Variants in ZEB2 observed in about 807,000 individuals in gnomAD.
The protein encoded by ZEB2 is zinc finger E-box binding homeobox 2.
A neutral mutation model predicts 99.9 loss-of-function variants in ZEB2; 6 were observed. The observed-to-expected ratio is 0.06, with a 90% CI of 0.03 to 0.12. The LOEUF (loss-of-function observed/expected upper bound fraction) is 0.12. ZEB2 is among the 10% of genes least tolerant of loss of function. The probability of loss-of-function intolerance (pLI) is 1.00; values close to 1 mark genes in which losing one functional copy is unlikely to be tolerated. For missense variants in ZEB2, 969 were observed against 1,502.8 expected, an observed-to-expected ratio of 0.64 and a Z score of 5.87; for synonymous variants, 517 against 542.5, an observed-to-expected ratio of 0.95 and a Z score of 0.65.
intron 2 of ZEB2, among the ~76,000 whole-genome samples, chr2:144,484,765 A>G (rs1704570328): frequency 1.3e-5 from 2 of 151,926 alleles, no homozygotes; most frequent in Admixed American, 1.3e-4. Context: ...TGAAGTGGGA[A>G]CCCACTTATT....
intron 2 of ZEB2, chr2:144,512,406 G>A: frequency 1.6e-6 from 2 of 1,287,158 alleles, no homozygotes; most frequent in Non-Finnish European, 2.0e-6. Flanking sequence ...CCTACCTTCA[G>A]GGTAGACATA....
At chr2:144,418,908 A>G (rs901849996) in intron 4 of ZEB2, among the ~76,000 whole-genome samples, 6 of 152,152 alleles carry the variant, frequency 3.9e-5, no homozygotes, top group African/African-American at 1.4e-4. Flanking sequence ...AAAACCTCAG[A>G]AATCACTACT....
intron 2 of ZEB2, among the ~76,000 whole-genome samples, chr2:144,435,535 G>C (rs1257316624): frequency 6.6e-6 from 1 of 151,376 alleles, no homozygotes; most frequent in African/African-American, 2.4e-5. Context: ...GGAGGTCGAG[G>C]CTGTAGTGAG....
chr2:144,411,090 T>C (rs1402393698), intron 4 of ZEB2, among the ~76,000 whole-genome samples: 3 of 113,172 alleles, frequency 2.7e-5, no homozygotes, highest in Non-Finnish European at 5.7e-5. Flanking sequence ...TATATATATA[T>C]ATATATATAT....
Position 144,385,111 on chromosome 2 carries a change from T to A in ZEB2, c.*4340A>T, listed in dbSNP as rs1703064010. The A allele has an allele frequency of 6.6e-6, 1 of 152,160 alleles. No homozygotes were observed. Among genetic ancestry groups the A allele is most frequent in the African/African-American group, 2.4e-5 (1 of 41,440 alleles). The allele number at this position is 152,160 out of a possible 1,614,324, so 9.4% of individuals were successfully genotyped here. On this transcript the variant is annotated 3_prime_UTR_variant, in exon 10 of 10. Coordinates refer to ENST00000627532, the MANE Select transcript of ZEB2 (RefSeq NM_014795.4). ...GGAATGTTTTGTTGCATGTATAAAA[T>A]TTTTCAGAATTTATAGGAGTGCTTA...
chr2:144,520,009 G>T lies in ZEB2; in HGVS notation c.-140C>A, dbSNP rs1183639838. 1 of 454,494 alleles carries T rather than the reference G, an allele frequency of 2.2e-6. No individual in the cohort carries two copies. Among genetic ancestry groups the T allele is most frequent in the South Asian group, 1.6e-5 (1 of 64,468 alleles). The allele number at this position is 454,494 out of a possible 1,614,324, so 28.2% of individuals were successfully genotyped here. On this transcript the variant is annotated 5_prime_UTR_variant, in exon 1 of 10. Transcript: ENST00000627532. ...AAAGCATGAAGAAGCCGCGAAGTGTGGGGGAGAAAAAGGTGGAAGCGAAGA... is the reference window on the plus strand; with the variant it reads ...AAAGCATGAAGAAGCCGCGAAGTGTTGGGGAGAAAAAGGTGGAAGCGAAGA...
chr2:144,511,978 A>C (rs1047476075), intron 2 of ZEB2: 2 of 1,287,154 alleles, frequency 1.6e-6, no homozygotes, highest in Non-Finnish European at 2.0e-6. Flanking sequence ...TGCATCACAG[A>C]TTTTCCTCCT....
chr2:144,468,081 G>C (rs1704296724), intron 2 of ZEB2, among the ~76,000 whole-genome samples: 2 of 152,078 alleles, frequency 1.3e-5, no homozygotes, highest in Non-Finnish European at 2.9e-5. Flanking sequence ...TCTGGGTTGG[G>C]GGGATCTGGC....
At chr2:144,469,246 A>C (rs1704319683) in intron 2 of ZEB2, among the ~76,000 whole-genome samples, 1 of 152,210 alleles carries the variant, frequency 6.6e-6, no homozygotes, top group Admixed American at 6.5e-5. Context: ...AAGTACACTT[A>C]TTAGTAAAAT....
intron 3 of ZEB2, chr2:144,427,758 A>G (rs556949145): frequency 3.3e-5 from 5 of 152,198 alleles, no homozygotes; most frequent in Non-Finnish European, 7.3e-5. Context: ...TCTTGGTCCA[A>G]ATAGCCAAAT....
In ZEB2 at chr2:144,430,011, T is replaced by C. The variant is rs1057522155; in HGVS notation, c.89A>G (p.Asn30Ser). The C allele has an allele frequency of 1.2e-6, 2 of 1,613,462 alleles. No individual in the cohort carries two copies. The highest frequency in any genetic ancestry group is 1.7e-6 in the Non-Finnish European group (2 of 1,179,820). Residue 30 changes from asparagine to serine, a missense_variant, in exon 3 of 10, where the codon AAT (asparagine) becomes AGT (serine). By Grantham distance (46) the Asn-to-Ser change is conservative. Coordinates refer to ENST00000627532, the MANE Select transcript of ZEB2 (RefSeq NM_014795.4). ...TGTTTCAGAACCTGTGTCCACTACA[T>C]TGTCATAGTTCACCACTGCAGAAGA... ...PRRKNVVNYD[N>S]VVDTGSETDE...
At chr2:144,517,672 G>C in intron 1 of ZEB2, 1 of 701,302 alleles carries the variant, frequency 1.4e-6, no homozygotes. Flanking sequence ...TTCAAAATGA[G>C]TCATAACTCC....
chr2:144,456,278 T>C (rs947339196), intron 2 of ZEB2, among the ~76,000 whole-genome samples: 24 of 152,208 alleles, frequency 1.6e-4, no homozygotes, highest in African/African-American at 5.5e-4. Context: ...TCTCTTGTAG[T>C]AGTGTAAGAG....
intron 4 of ZEB2, among the ~76,000 whole-genome samples, chr2:144,413,001 T>C (rs1703486296): frequency 6.6e-6 from 1 of 152,210 alleles, no homozygotes; most frequent in Non-Finnish European, 1.5e-5. Context: ...GGCTCAGTTA[T>C]TTCATGTTTT....
chr2:144,401,518 T>C (rs1703310499), intron 6 of ZEB2, among the ~76,000 whole-genome samples: 1 of 152,232 alleles, frequency 6.6e-6, no homozygotes, highest in Non-Finnish European at 1.5e-5. Context: ...CACATGCGCA[T>C]CCAACACTTG....
intron 2 of ZEB2, among the ~76,000 whole-genome samples, chr2:144,432,192 T>C (rs1304371191): frequency 6.6e-6 from 1 of 152,092 alleles, no homozygotes; most frequent in African/African-American, 2.4e-5. Flanking sequence ...AGCAATGAAG[T>C]CATGTCTCAC....
At chr2:144,431,847 G>C (rs1176037832) in intron 2 of ZEB2, among the ~76,000 whole-genome samples, 1 of 143,046 alleles carries the variant, frequency 7.0e-6, no homozygotes, top group Non-Finnish European at 1.5e-5. Flanking sequence ...GAGTGGGAAT[G>C]GGGGGGCTAC....
chr2:144,519,460 G>GC (rs145003939), intron 1 of ZEB2: 2,277 of 153,620 alleles, frequency 0.015, 48 homozygotes, highest in African/African-American at 0.051. Flanking sequence ...AGAAAGACTT[G>GC]CCCCCGAATT....
chr2:144,404,312 C>T lies in ZEB2; in HGVS notation c.593-182G>A, dbSNP rs192242650. On this transcript the variant is annotated intron_variant, in intron 5 of 9. Transcript: ENST00000627532. ...CCTCGCATGCCCAGGACAGACTTGTCGGAATCAGCTCACACTGTGCTCAAA... is the reference window on the plus strand; with the variant it reads ...CCTCGCATGCCCAGGACAGACTTGTTGGAATCAGCTCACACTGTGCTCAAA... Among the ~76,000 whole-genome samples, 685 of 135,634 alleles carry T rather than the reference C, an allele frequency of 5.1e-3. 3 individuals carry two copies. The highest frequency in any genetic ancestry group is 7.7e-3 in the Non-Finnish European group (505 of 65,978). The allele number at this position is 135,634 out of a possible 152,430, so 89.0% of individuals were successfully genotyped here. A position where few individuals can be genotyped will look rare whatever the true frequency, so the allele number is the denominator to read the frequency against.
Sources: allele counts gnomAD v4.1 joint callset (sites outside exome capture counted in the v4.1 genomes callset), GRCh38; gene constraint gnomAD v4.1.1; transcripts MANE v1.5; gene names NCBI Gene and HGNC (gene_info 2026-07-23, HGNC 2026-07-21).